BACE2: variants seen among roughly 807,000 people sequenced by gnomAD.
BACE2 encodes 56 kDa aspartic-like protease.
BACE2 carries 17 observed loss-of-function variants against 46.2 expected under a neutral mutation model. The observed-to-expected ratio is 0.37, with a 90% CI of 0.25 to 0.55. The LOEUF (loss-of-function observed/expected upper bound fraction) is 0.55, where lower values mean the gene tolerates loss of function less well. Among genes scored for constraint, BACE2 ranks in the 20% least tolerant of loss-of-function variants. BACE2 has a pLI of 0.82. For missense variants in BACE2, 595 were observed against 698.1 expected (o/e 0.85, Z 1.66); for synonymous variants, 277 against 295.9 (o/e 0.94, Z 0.66).
At chr21:41,238,833 T>G (rs13051523) in intron 3 of BACE2, among the ~76,000 whole-genome samples, 147 of 143,222 alleles carry the variant, frequency 1.0e-3, no homozygotes, top group Non-Finnish European at 1.9e-3. Flanking sequence ...GGGATAGCCT[T>G]GGGAGATATA....
At position 41,282,042 on chromosome 21, in the gene BACE2, C is replaced by T. The variant is rs370354339; in HGVS notation, c.*6418C>T. 1 of 152,126 alleles carries T rather than the reference C, an allele frequency of 6.6e-6. No individual in the cohort carries two copies. The highest frequency in any genetic ancestry group is 2.4e-5 in the African/African-American group (1 of 41,428). The allele number at this position is 152,126 out of a possible 1,614,324, so 9.4% of individuals were successfully genotyped here. A position where few individuals can be genotyped will look rare whatever the true frequency, so the allele number is the denominator to read the frequency against. On this transcript the variant is annotated 3_prime_UTR_variant, in exon 9 of 9. Transcript: ENST00000330333. ...ATATGTTATGTTCAGTCATTGAAAGCGACCACTCATTTTTTTCTTAAAGTT... is the reference window on the plus strand; with the variant it reads ...ATATGTTATGTTCAGTCATTGAAAGTGACCACTCATTTTTTTCTTAAAGTT...
intron 2 of BACE2, chr21:41,236,484 T>C (rs1488216372): frequency 6.6e-6 from 1 of 152,256 alleles, no homozygotes; most frequent in African/African-American, 2.4e-5. Context: ...TCGTTCTGCG[T>C]CAGTAGCTCT....
intron 1 of BACE2, among the ~76,000 whole-genome samples, chr21:41,191,161 G>C (rs1312121674): frequency 1.3e-5 from 2 of 152,180 alleles, no homozygotes; most frequent in African/African-American, 4.8e-5. Flanking sequence ...CTGATTCAGA[G>C]CATACACGGC....
intron 7 of BACE2, among the ~76,000 whole-genome samples, chr21:41,251,198 A>C (rs1194273810): frequency 6.6e-6 from 1 of 152,188 alleles, no homozygotes; most frequent in East Asian, 1.9e-4. Flanking sequence ...GGAGGAACAG[A>C]GCCATGCGTT....
intron 8 of BACE2, among the ~76,000 whole-genome samples, chr21:41,257,803 G>A (rs1240951884): frequency 6.6e-6 from 1 of 152,196 alleles, no homozygotes; most frequent in Non-Finnish European, 1.5e-5. Context: ...TCCTTTGAAA[G>A]ATGTGTGAGG....
intron 6 of BACE2, among the ~76,000 whole-genome samples, chr21:41,247,215 T>C (rs1022236651): frequency 7.2e-5 from 11 of 152,140 alleles, no homozygotes; most frequent in African/African-American, 2.4e-4. Context: ...TGGGTTGTCC[T>C]GAACTTCAAA....
chr21:41,228,435 A>G (rs1026477399), intron 2 of BACE2, among the ~76,000 whole-genome samples: 1 of 152,206 alleles, frequency 6.6e-6, no homozygotes, highest in African/African-American at 2.4e-5. Flanking sequence ...TATAAAGAAA[A>G]GAGGTTTATT....
intron 2 of BACE2, among the ~76,000 whole-genome samples, chr21:41,236,455 T>G (rs977512191): frequency 5.3e-5 from 8 of 152,182 alleles, no homozygotes; most frequent in African/African-American, 1.7e-4. Context: ...GGCAGGACTT[T>G]CGTCTGATCT....
intron 2 of BACE2, 81 bp downstream of exon 2, chr21:41,226,435 A>T: frequency 7.9e-7 from 1 of 1,267,984 alleles, no homozygotes; most frequent in Non-Finnish European, 1.1e-6. Context: ...AGAGCATGAC[A>T]GCCAGAAAGC....
In BACE2 at chr21:41,275,373, A is replaced by T. The variant is rs755085838; in HGVS notation, c.1306A>T (p.Ile436Phe). 3.7e-6 allele frequency: 6 copies of T among 1,613,952 alleles called. No individual in the cohort carries two copies. The highest frequency in any genetic ancestry group is 5.1e-6 in the Non-Finnish European group (6 of 1,180,004). Reference protein sequence around the residue: ...VGFAASPCAEIAGAAVSEISG... With the variant: ...VGFAASPCAEFAGAAVSEISG... ...ATTTTCCCTTTCTGTCTCCCCAGAA[A>T]TTGCAGGTGCTGCAGTGTCTGAAAT... is the stretch of plus-strand genomic sequence containing the variant. Residue 436 changes from isoleucine (I) to phenylalanine (F), a missense_variant and splice_region_variant, in exon 9 of 9, where the codon ATT becomes TTT. Ile to Phe is a conservative substitution (Grantham distance 21). Around this residue, in one of 3 missense-constraint regions of BACE2, gnomAD observed 343 missense variants for 419.4 expected, o/e 0.82. Coordinates refer to ENST00000330333, the MANE Select transcript of BACE2 (RefSeq NM_012105.5).
At chr21:41,170,069 C>T (rs1984549506) in intron 1 of BACE2, among the ~76,000 whole-genome samples, 2 of 152,144 alleles carry the variant, frequency 1.3e-5, no homozygotes, top group Admixed American at 6.5e-5. Context: ...GACATGTGTG[C>T]TTTGATGCGA....
At chr21:41,195,608 A>T (rs572709169) in intron 1 of BACE2, among the ~76,000 whole-genome samples, 1 of 152,300 alleles carries the variant, frequency 6.6e-6, no homozygotes, top group South Asian at 2.1e-4. Flanking sequence ...CCCTGTTTCA[A>T]TCCTGGTGAG....
chr21:41,239,323 C>A (rs1217033445), intron 3 of BACE2, among the ~76,000 whole-genome samples: 1 of 152,128 alleles, frequency 6.6e-6, no homozygotes, highest in Non-Finnish European at 1.5e-5. Flanking sequence ...GTGCTCAGGA[C>A]TCCCCTGTGA....
intron 1 of BACE2, chr21:41,181,790 G>A (rs778715745): frequency 1.2e-5 from 2 of 167,046 alleles, no homozygotes; most frequent in Non-Finnish European, 2.9e-5. Context: ...TGGGGACATG[G>A]TCCTGAGATT....
intron 8 of BACE2, among the ~76,000 whole-genome samples, chr21:41,258,674 T>G (rs62219575): frequency 0.15 from 14,399 of 96,594 alleles, 746 homozygotes; most frequent in East Asian, 0.38. Flanking sequence ...AAGGAAAGAT[T>G]GCAGTGGACT....
At chr21:41,244,987 C>T (rs1568884490) in intron 5 of BACE2, among the ~76,000 whole-genome samples, 1 of 151,762 alleles carries the variant, frequency 6.6e-6, no homozygotes, top group Admixed American at 6.6e-5. Context: ...TATGCACCCA[C>T]CCCACAAAAG....
chr21:41,204,152 A>T (rs1986052852), intron 1 of BACE2, among the ~76,000 whole-genome samples: 1 of 152,070 alleles, frequency 6.6e-6, no homozygotes, highest in Non-Finnish European at 1.5e-5. Context: ...GAGTAGCTGG[A>T]ATTACAGGCA....
chr21:41,187,204 G>A (rs1985411166), intron 1 of BACE2, among the ~76,000 whole-genome samples: 1 of 152,206 alleles, frequency 6.6e-6, no homozygotes, highest in African/African-American at 2.4e-5. Flanking sequence ...GTGCTGACTA[G>A]GGGGCAAGGC....
Position 41,241,846 on chromosome 21 carries a change from G to A in BACE2, c.646G>A (p.Asp216Asn), listed in dbSNP as rs746160180. The part of the protein sequence containing the change: ...KPSSSLETFF[D>N]SLVTQANIPN... ...ATCAAGTTCTCTGGAGACCTTCTTC[G>A]ACTCCCTGGTGACACAAGCAAACAT... Residue 216 changes from aspartate to asparagine, a missense_variant, in exon 4 of 9, where the codon GAC becomes AAC. Coordinates refer to ENST00000330333, the MANE Select transcript of BACE2 (RefSeq NM_012105.5). 49 of 1,614,010 alleles carry A rather than the reference G, an allele frequency of 3.0e-5. No individual in the cohort carries two copies. The highest frequency in any genetic ancestry group is 4.4e-5 in the South Asian group (4 of 91,082).
Sources: gnomAD v4.1 joint callset for allele counts (sites outside exome capture counted in the v4.1 genomes callset) on GRCh38, gnomAD v4.1.1 for gene constraint, gnomAD v4.1.1 regional missense constraint, MANE v1.5 for transcripts, NCBI Gene and HGNC (gene_info 2026-07-23, HGNC 2026-07-21) for gene names.